IL1R1: variants seen among roughly 807,000 people sequenced by gnomAD.
IL1R1 encodes interleukin 1 receptor type 1.
Under a neutral mutation model 50.2 loss-of-function variants are expected in IL1R1, and 22 were observed. That is an observed-to-expected ratio of 0.44 (90% CI 0.31 to 0.63). The LOEUF is 0.63. Among genes scored for constraint, IL1R1 ranks in the 20% least tolerant of loss-of-function variants. The pLI is 0.07. For synonymous variants in IL1R1, 251 were observed against 236.7 expected (o/e 1.06, Z -0.55); for missense variants, 509 against 676.2 (o/e 0.75, Z 2.74).
At chr2:102,125,979 G>A (rs1456863118) in intron 1 of IL1R1, among the ~76,000 whole-genome samples, 1 of 152,168 alleles carries the variant, frequency 6.6e-6, no homozygotes, top group Non-Finnish European at 1.5e-5. Flanking sequence ...GAAGAAAATA[G>A]TGTCTTCAGC....
intron 8 of IL1R1, 59 bp from the exon 9 acceptor site, chr2:102,172,628 C>CT: frequency 1.4e-6 from 2 of 1,442,796 alleles, no homozygotes; most frequent in Non-Finnish European, 9.5e-7. Context: ...GTATACAGGT[C>CT]TTATTTGTAG....
intron 1 of IL1R1, among the ~76,000 whole-genome samples, chr2:102,114,118 A>T (rs1007911787): frequency 6.6e-6 from 1 of 152,208 alleles, no homozygotes; most frequent in Non-Finnish European, 1.5e-5. Context: ...CTCTTCTGCC[A>T]CTTCTAAGAG....
intron 1 of IL1R1, among the ~76,000 whole-genome samples, chr2:102,112,747 G>T (rs577928299): frequency 2.0e-5 from 3 of 152,110 alleles, no homozygotes; most frequent in African/African-American, 7.2e-5. Context: ...TTTTTTAGGC[G>T]TTGGGTTTTC....
At chr2:102,161,138 G>A (rs986094587) in intron 3 of IL1R1, among the ~76,000 whole-genome samples, 1 of 152,070 alleles carries the variant, frequency 6.6e-6, no homozygotes, top group Admixed American at 6.6e-5. Context: ...GATATGTTAT[G>A]TTTTCCTTAT....
intron 1 of IL1R1, among the ~76,000 whole-genome samples, chr2:102,116,012 A>G (rs1681050605): frequency 6.6e-6 from 1 of 152,172 alleles, no homozygotes; most frequent in South Asian, 2.1e-4. Context: ...GCTCAGCAGT[A>G]TTTATATGGC....
intron 1 of IL1R1, among the ~76,000 whole-genome samples, chr2:102,135,592 C>T (rs746010838): frequency 3.3e-4 from 50 of 152,100 alleles, no homozygotes; most frequent in Non-Finnish European, 6.3e-4. Flanking sequence ...CGAATGATCA[C>T]CTGGTTGATC....
At chr2:102,174,536 A>G (rs1261515254) in intron 9 of IL1R1, 51 bp from the exon 10 acceptor site, 1 of 1,415,010 alleles carries the variant, frequency 7.1e-7, no homozygotes, top group Admixed American at 2.4e-5. Flanking sequence ...CAAAGTTTTA[A>G]TTCTTTTTGG....
At chr2:102,084,379 G>A (rs966707901) in intron 1 of IL1R1, among the ~76,000 whole-genome samples, 33 of 152,108 alleles carry the variant, frequency 2.2e-4, no homozygotes, top group Admixed American at 2.0e-3. Context: ...TACACACAGC[G>A]TACAGCCCTG....
At chr2:102,155,301 C>T (rs187383742) in intron 2 of IL1R1, among the ~76,000 whole-genome samples, 1 of 152,362 alleles carries the variant, frequency 6.6e-6, no homozygotes, top group East Asian at 1.9e-4. Context: ...CATGCTGTCA[C>T]TGCATTGCTT....
intron 7 of IL1R1, 53 bp from the exon 8 acceptor site, chr2:102,171,748 G>C (rs530809852): frequency 1.9e-6 from 2 of 1,055,888 alleles, no homozygotes; most frequent in East Asian, 5.3e-5. Context: ...TATTAATCTA[G>C]ATAGATCAGA....
chr2:102,174,844 A>C (rs772875686), intron 10 of IL1R1, 114 bp downstream of exon 10: 16 of 736,688 alleles, frequency 2.2e-5, no homozygotes, highest in Non-Finnish European at 3.4e-5. Context: ...GAAAAGTGGC[A>C]TATACAAGAA....
intron 1 of IL1R1, among the ~76,000 whole-genome samples, chr2:102,115,402 A>G (rs540329316): frequency 2.7e-4 from 41 of 152,298 alleles, no homozygotes; most frequent in African/African-American, 9.1e-4. Flanking sequence ...CAGTTTTTTA[A>G]GGCACTGTGG....
At chr2:102,132,770 A>G (rs773543221) in intron 1 of IL1R1, among the ~76,000 whole-genome samples, 2 of 152,186 alleles carry the variant, frequency 1.3e-5, no homozygotes, top group Non-Finnish European at 2.9e-5. Flanking sequence ...TAATATCACT[A>G]TACTACACCA....
At chr2:102,135,181 G>A (rs2104424785) in intron 1 of IL1R1, among the ~76,000 whole-genome samples, 1 of 152,246 alleles carries the variant, frequency 6.6e-6, no homozygotes, top group East Asian at 1.9e-4. Context: ...ACACTCTGTT[G>A]CTGATTTTAT....
intron 8 of IL1R1, 25 bp from the exon 9 acceptor site, chr2:102,172,662 T>G: frequency 6.4e-7 from 1 of 1,573,952 alleles, no homozygotes; most frequent in Non-Finnish European, 8.6e-7. Context: ...CTTACACAAG[T>G]TTATTTACTC....
chr2:102,103,017 G>A (rs1291094427), upstream of IL1R1, among the ~76,000 whole-genome samples: 1 of 151,900 alleles, frequency 6.6e-6, no homozygotes, highest in Non-Finnish European at 1.5e-5. Context: ...GTGGGAGGAG[G>A]GTGAGGATTG....
rs1686153066 is a variant in IL1R1, at chr2:102,176,538, G to A, written c.1489G>A (p.Glu497Lys). 1 of 1,614,192 alleles carries A rather than the reference G, an allele frequency of 6.2e-7. No homozygotes were observed. The highest frequency in any genetic ancestry group is 1.1e-5 in the South Asian group (1 of 91,078). The change falls in exon 12 of 12, where the codon GAG (glutamate) becomes AAG (lysine). Residue 497 changes from glutamate (E) to lysine (K), a missense_variant. Transcript: ENST00000410023. ...TGAGCTGGAGAAAATCCAAGACTAT[G>A]AGAAAATGCCAGAATCGATTAAATT... ...LLELEKIQDY[E>K]KMPESIKFIK...
At chr2:102,108,459 C>A (rs1258725799) in intron 1 of IL1R1, among the ~76,000 whole-genome samples, 3 of 152,148 alleles carry the variant, frequency 2.0e-5, no homozygotes, top group African/African-American at 7.2e-5. Flanking sequence ...GGACTGAGAG[C>A]TCCTCAAAGA....
intron 1 of IL1R1, among the ~76,000 whole-genome samples, chr2:102,117,621 T>C (rs1316192693): frequency 6.6e-6 from 1 of 152,234 alleles, no homozygotes; most frequent in African/African-American, 2.4e-5. Context: ...TGTATTCCAA[T>C]GAATCCCACC....
Sources: allele counts gnomAD v4.1 joint callset (sites outside exome capture counted in the v4.1 genomes callset), GRCh38; gene constraint gnomAD v4.1.1; transcripts MANE v1.5; gene names NCBI Gene and HGNC (gene_info 2026-07-23, HGNC 2026-07-21).